POLR3G: variants seen among roughly 807,000 people sequenced by gnomAD.
POLR3G encodes the protein RNA polymerase III subunit G.
POLR3G carries 28 observed loss-of-function variants against 30.1 expected under a neutral mutation model. That is an observed-to-expected ratio of 0.93 (90% CI 0.69 to 1.27). The LOEUF is 1.27. POLR3G is among the 50% of genes most tolerant of loss of function. POLR3G has a pLI of 0.00. For synonymous variants in POLR3G, 79 were observed against 82.5 expected, an observed-to-expected ratio of 0.96 and a Z score of 0.23; for missense variants, 254 against 264.6, an observed-to-expected ratio of 0.96 and a Z score of 0.28.
intron 1 of POLR3G, among the ~76,000 whole-genome samples, chr5:90,477,048 G>A (rs1051959290): frequency 6.6e-6 from 1 of 152,210 alleles, no homozygotes; most frequent in Non-Finnish European, 1.5e-5. Flanking sequence ...TACTTGATTG[G>A]ATTGAAGAGG....
chr5:90,475,278 T>G (rs1472574092), intron 1 of POLR3G, among the ~76,000 whole-genome samples: 1 of 152,156 alleles, frequency 6.6e-6, no homozygotes, highest in Admixed American at 6.5e-5. Context: ...ATTTATGCTC[T>G]TACTGATAGT....
At chr5:90,494,718 C>A (rs1196126697) in intron 3 of POLR3G, among the ~76,000 whole-genome samples, 1 of 151,946 alleles carries the variant, frequency 6.6e-6, no homozygotes, top group Non-Finnish European at 1.5e-5. Context: ...TCCTTTACCT[C>A]TTTTTAATTG....
At chr5:90,493,271 G>A (rs1157666952) in intron 3 of POLR3G, among the ~76,000 whole-genome samples, 2 of 152,132 alleles carry the variant, frequency 1.3e-5, no homozygotes, top group East Asian at 3.8e-4. Context: ...ATTTGAGACA[G>A]GATCTCGTTC....
At chr5:90,491,530 CG>C (rs980317493) in intron 3 of POLR3G, among the ~76,000 whole-genome samples, 3 of 149,968 alleles carry the variant, frequency 2.0e-5, no homozygotes, top group Non-Finnish European at 3.0e-5. Flanking sequence ...AAATTTTTGA[CG>C]TTTTTTTTTT....
intron 6 of POLR3G, 145 bp downstream of exon 6, chr5:90,502,133 G>T: frequency 6.9e-7 from 1 of 1,443,486 alleles, no homozygotes; most frequent in Non-Finnish European, 9.1e-7. Context: ...AAGGTAACTG[G>T]GAAGGTTTGA....
At position 90,513,949 on chromosome 5, in the gene POLR3G, CTACT is replaced by C. The variant is rs1752848303; in HGVS notation, c.*1813_*1816del. The stretch of plus-strand genomic sequence containing the variant: ...ATCTTATCAATATTGTTCTATTTAC[CTACT>C]TATAAATCTGCAGATAACCACTTGA... On this transcript the variant is annotated 3_prime_UTR_variant, in exon 8 of 8. Coordinates refer to ENST00000651687, the MANE Select transcript of POLR3G (RefSeq NM_006467.3). 2 of 152,220 alleles carry C rather than the reference CTACT, an allele frequency of 1.3e-5. No homozygotes were observed. The highest frequency in any genetic ancestry group is 4.2e-4 in the South Asian group (2 of 4,818). The allele number at this position is 152,220 out of a possible 1,614,324, so 9.4% of individuals were successfully genotyped here.
At position 90,512,234 on chromosome 5, in the gene POLR3G, T is replaced by C; in HGVS notation, c.*95T>C. On this transcript the variant is annotated 3_prime_UTR_variant, in exon 8 of 8. Coordinates refer to ENST00000651687, the MANE Select transcript of POLR3G (RefSeq NM_006467.3). ...TTATTTCTGATAAGGAATAAGTACT[T>C]GTTTCTGTTGTTTTGGACAAATAGT... is the stretch of plus-strand genomic sequence containing the variant. 1.3e-6 allele frequency: 1 copy of C among 796,014 alleles called. No individual in the cohort carries two copies. The highest frequency in any genetic ancestry group is 2.1e-6 in the Non-Finnish European group (1 of 479,658). The allele number at this position is 796,014 out of a possible 1,614,324, so 49.3% of individuals were successfully genotyped here. A position where few individuals can be genotyped will look rare whatever the true frequency, so the allele number is the denominator to read the frequency against.
chr5:90,505,316 G>C (rs530113997), intron 6 of POLR3G, among the ~76,000 whole-genome samples: 2 of 151,998 alleles, frequency 1.3e-5, no homozygotes, highest in Non-Finnish European at 2.9e-5. Flanking sequence ...TTAATTATGC[G>C]TATTAATATG....
At chr5:90,502,681 C>T (rs1657508191) in intron 6 of POLR3G, among the ~76,000 whole-genome samples, 1 of 151,840 alleles carries the variant, frequency 6.6e-6, no homozygotes, top group Non-Finnish European at 1.5e-5. Flanking sequence ...ATAGCAAATA[C>T]GAGGTTTCTT....
chr5:90,510,522 T>TC (rs1359782275), intron 7 of POLR3G, among the ~76,000 whole-genome samples: 1 of 152,210 alleles, frequency 6.6e-6, no homozygotes, highest in African/African-American at 2.4e-5. Flanking sequence ...CTTATTCATC[T>TC]CCACTTTATG....
intron 3 of POLR3G, among the ~76,000 whole-genome samples, chr5:90,492,034 C>T (rs1157173574): frequency 5.3e-5 from 8 of 151,968 alleles, no homozygotes; most frequent in Non-Finnish European, 1.0e-4. Flanking sequence ...TAATTTTTTG[C>T]TCATAATGTC....
chr5:90,494,135 T>C (rs1324693456), intron 3 of POLR3G, among the ~76,000 whole-genome samples: 1 of 152,184 alleles, frequency 6.6e-6, no homozygotes, highest in South Asian at 2.1e-4. Flanking sequence ...TCTCTAGAGA[T>C]TCCATGTCAT....
rs961342872 is a variant in POLR3G at position 90,512,561 on chromosome 5, CAAAG to C, written c.*426_*429del. ...TACAGCACGTGGAGCACTTTAAAAACAAAGAAACTTGAAAATAATTTTATTTTTT... is the reference window on the plus strand; with the variant it reads ...TACAGCACGTGGAGCACTTTAAAAACAAACTTGAAAATAATTTTATTTTTT... On this transcript the variant is annotated 3_prime_UTR_variant, in exon 8 of 8. Coordinates refer to ENST00000651687, the MANE Select transcript of POLR3G (RefSeq NM_006467.3). The C allele has an allele frequency of 1.9e-5, 3 of 156,314 alleles. No homozygotes were observed. Among genetic ancestry groups the C allele is most frequent in the Non-Finnish European group, 4.3e-5 (3 of 70,174 alleles). 9.7% of individuals were successfully genotyped at this position (156,314 alleles called of 1,614,324 possible). A position where few individuals can be genotyped will look rare whatever the true frequency, so the allele number is the denominator to read the frequency against.
chr5:90,502,675 C>A (rs963527630), intron 6 of POLR3G, among the ~76,000 whole-genome samples: 7 of 151,960 alleles, frequency 4.6e-5, no homozygotes, highest in Admixed American at 3.9e-4. Context: ...TCATACATAG[C>A]AAATACGAGG....
intron 2 of POLR3G, among the ~76,000 whole-genome samples, chr5:90,486,188 A>G (rs1285530280): frequency 2.6e-5 from 4 of 152,188 alleles, no homozygotes; most frequent in Non-Finnish European, 4.4e-5. Flanking sequence ...TCCATAATAT[A>G]TAATGTTTTC....
chr5:90,485,283 C>T (rs1036395647), intron 1 of POLR3G, among the ~76,000 whole-genome samples: 1 of 152,112 alleles, frequency 6.6e-6, no homozygotes, highest in Non-Finnish European at 1.5e-5. Context: ...GGGTGAATTG[C>T]GTGGACTGGA....
chr5:90,474,377 G>A (rs1750660248), upstream of POLR3G: 2 of 1,294,314 alleles, frequency 1.5e-6, no homozygotes, highest in African/African-American at 2.9e-5. Context: ...CTGCGGCTGT[G>A]TGAAGCGGTC....
intron 2 of POLR3G, among the ~76,000 whole-genome samples, chr5:90,486,732 C>T (rs1773066394): frequency 6.6e-6 from 1 of 152,152 alleles, no homozygotes; most frequent in Non-Finnish European, 1.5e-5. Flanking sequence ...AGTCATTTTT[C>T]CTTTACCCAC....
intron 1 of POLR3G, among the ~76,000 whole-genome samples, chr5:90,477,441 G>C (rs1056841269): frequency 6.6e-6 from 1 of 152,170 alleles, no homozygotes; most frequent in African/African-American, 2.4e-5. Flanking sequence ...CTGTTTTAGA[G>C]GTCCAGGTGA....
Sources: gnomAD v4.1 joint callset for allele counts (sites outside exome capture counted in the v4.1 genomes callset) on GRCh38, gnomAD v4.1.1 for gene constraint, MANE v1.5 for transcripts, NCBI Gene and HGNC (gene_info 2026-07-23, HGNC 2026-07-21) for gene names.